PCDH10: variants seen among roughly 807,000 people sequenced by gnomAD.
PCDH10 encodes protocadherin 10, also known as protocadherin-10.
PCDH10 carries 15 observed loss-of-function variants against 74.4 expected under a neutral mutation model. The ratio of observed to expected loss-of-function variants is 0.20; its 90% CI spans 0.13 to 0.31. The LOEUF (loss-of-function observed/expected upper bound fraction) is 0.31. Among genes scored for constraint, PCDH10 ranks in the 10% least tolerant of loss-of-function variants. The probability of loss-of-function intolerance (pLI) is 1.00; values close to 1 mark genes in which losing one functional copy is unlikely to be tolerated. For synonymous variants in PCDH10, 619 were observed against 589.8 expected (o/e 1.05, Z -0.72); for missense variants, 1,260 against 1,390.2 (o/e 0.91, Z 1.49).
chr4:133,154,516 AC>A lies in PCDH10; in HGVS notation c.2690+152del, dbSNP rs1726820164. The A allele has an allele frequency of 1.2e-5, 7 of 563,412 alleles. No individual in the cohort carries two copies. In the Middle Eastern group the frequency reaches 1.2e-3, roughly 99 times the overall value. The allele number at this position is 563,412 out of a possible 1,614,324, so 34.9% of individuals were successfully genotyped here. On this transcript the variant is annotated intron_variant, in intron 2 of 4. Coordinates refer to ENST00000264360, the MANE Select transcript of PCDH10 (RefSeq NM_032961.3). ...ATATGAACTATATTGTGTTTCCTAGACAATACATTAAAAATTATACATTATA... is the reference window on the plus strand; with the variant it reads ...ATATGAACTATATTGTGTTTCCTAGAAATACATTAAAAATTATACATTATA...
intron 4 of PCDH10, among the ~76,000 whole-genome samples, chr4:133,188,822 C>T (rs908539764): frequency 5.9e-5 from 9 of 151,626 alleles, no homozygotes; most frequent in East Asian, 1.9e-4. Context: ...TATAGGCGCC[C>T]ACCACCATGC....
intron 4 of PCDH10, among the ~76,000 whole-genome samples, chr4:133,170,728 T>C (rs2125866352): frequency 7.3e-6 from 1 of 136,504 alleles, no homozygotes; most frequent in Admixed American, 6.9e-5. Flanking sequence ...TCTCTCTCTC[T>C]GTCACCCAGG....
chr4:133,156,467 A>G (rs1183438350), intron 3 of PCDH10, among the ~76,000 whole-genome samples: 1 of 152,244 alleles, frequency 6.6e-6, no homozygotes, highest in Non-Finnish European at 1.5e-5. Flanking sequence ...CCTGACAACA[A>G]ACCAGATCTT....
At position 133,152,190 on chromosome 4, in the gene PCDH10, G is replaced by C; in HGVS notation, c.2050G>C (p.Glu684Gln). Residue 684 changes from glutamate to glutamine, a missense_variant, in exon 1 of 5, where the codon GAG becomes CAG. Physicochemically the swap from Glu to Gln is conservative, Grantham distance 29. Coordinates refer to ENST00000264360, the MANE Select transcript of PCDH10 (RefSeq NM_032961.3). ...LVVQLVDGAV[E>Q]PQGGGGSGGG... ...GGTTCAGCTGGTGGATGGCGCCGTG[G>C]AGCCCCAGGGCGGGGGCGGGAGCGG... 2 of 1,574,964 alleles carry C rather than the reference G, an allele frequency of 1.3e-6. No homozygotes were observed. Among genetic ancestry groups the C allele is most frequent in the Non-Finnish European group, 1.7e-6 (2 of 1,161,182 alleles).
intron 4 of PCDH10, among the ~76,000 whole-genome samples, chr4:133,167,473 T>C (rs946853446): frequency 6.6e-6 from 1 of 151,504 alleles, no homozygotes; most frequent in Non-Finnish European, 1.5e-5. Context: ...TCTCTAGGAT[T>C]TGTGTTTTCC....
rs192334683 is a variant in PCDH10 at position 133,150,341 on chromosome 4, C to T, written c.201C>T (p.Asn67=). The change falls in exon 1 of 5, where the codon AAC becomes AAT. Residue 67 remains asparagine (N), a synonymous_variant. Transcript: ENST00000264360. ...PNSRTPYLDL[N]LETGVLYVNE... ...CAAGGACCCCTTACTTAGACCTCAA[C>T]CTGGAGACAGGGGTGCTGTACGTGA... 1 of 1,613,542 alleles carries T rather than the reference C, an allele frequency of 6.2e-7. No homozygotes were observed. Among genetic ancestry groups the T allele is most frequent in the African/African-American group, 1.3e-5 (1 of 74,846 alleles).
At chr4:133,201,770 C>T (rs772425840) in intron 2 of PCDH10, among the ~76,000 whole-genome samples, 18 of 147,782 alleles carry the variant, frequency 1.2e-4, no homozygotes, top group Admixed American at 9.7e-4. Flanking sequence ...GCAAGAGAAT[C>T]GCTTGAACCT....
intron 1 of PCDH10, chr4:133,153,616 G>C (rs1037613075): frequency 1.3e-5 from 2 of 151,866 alleles, no homozygotes; most frequent in African/African-American, 4.8e-5. Flanking sequence ...GGTGGGGGTT[G>C]GGGGGAGAAC....
chr4:133,168,150 A>T (rs1727124505), intron 4 of PCDH10, among the ~76,000 whole-genome samples: 1 of 151,464 alleles, frequency 6.6e-6, no homozygotes, highest in Non-Finnish European at 1.5e-5. Context: ...ATGAGATATT[A>T]TAATATTTTT....
chr4:133,172,407 G>A (rs1727220594), intron 4 of PCDH10, among the ~76,000 whole-genome samples: 1 of 151,788 alleles, frequency 6.6e-6, no homozygotes, highest in Non-Finnish European at 1.5e-5. Context: ...TTTACAGGTA[G>A]CAGTTTTTTT....
downstream of PCDH10, among the ~76,000 whole-genome samples, chr4:133,199,193 T>C (rs1727851781): frequency 6.6e-6 from 1 of 151,128 alleles, no homozygotes; most frequent in African/African-American, 2.4e-5. Flanking sequence ...AAGGCTGAAG[T>C]GGGAGGATCA....
intron 4 of PCDH10, among the ~76,000 whole-genome samples, chr4:133,187,459 A>G (rs1727567234): frequency 6.6e-6 from 1 of 152,078 alleles, no homozygotes; most frequent in Admixed American, 6.6e-5. Flanking sequence ...ATAACTCTTC[A>G]TAAATGTAAG....
intron 4 of PCDH10, among the ~76,000 whole-genome samples, chr4:133,170,105 CT>C (rs1727172563): frequency 6.6e-6 from 1 of 151,924 alleles, no homozygotes; most frequent in African/African-American, 2.4e-5. Flanking sequence ...ATTCAAAAAC[CT>C]TGTCTCCCAA....
At chr4:133,189,770 G>A (rs1186366889) in intron 4 of PCDH10, among the ~76,000 whole-genome samples, 1 of 151,868 alleles carries the variant, frequency 6.6e-6, no homozygotes, top group Non-Finnish European at 1.5e-5. Flanking sequence ...TATAGATTTT[G>A]CTAGAAACTT....
chr4:133,199,271 G>A (rs181972267), downstream of PCDH10, among the ~76,000 whole-genome samples: 3 of 145,712 alleles, frequency 2.1e-5, no homozygotes. Flanking sequence ...CTGGGTGACA[G>A]AGTGAAACCC....
Position 133,151,080 on chromosome 4 carries a change from G to A in PCDH10, c.940G>A (p.Gly314Ser). The change falls in exon 1 of 5, where the codon GGC becomes AGC. Residue 314 changes from glycine (G) to serine (S), a missense_variant. By Grantham distance (56) the Gly-to-Ser change is moderately conservative. This residue lies in a region of PCDH10 where 192 missense variants were observed against 161.2 expected (regional missense o/e 1.19). Coordinates refer to ENST00000264360, the MANE Select transcript of PCDH10 (RefSeq NM_032961.3). ...SPRTGRLEVS[G>S]ELDYEESPVY... ...GCGCACTGGCAGACTGGAGGTAAGC[G>A]GCGAGTTGGACTATGAAGAGAGCCC... 1.2e-6 allele frequency: 2 copies of A among 1,614,122 alleles called. No homozygotes were observed. Among genetic ancestry groups the A allele is most frequent in the Non-Finnish European group, 1.7e-6 (2 of 1,180,030 alleles).
At chr4:133,153,363 C>A in intron 1 of PCDH10, 4 of 601,858 alleles carry the variant, frequency 6.6e-6, no homozygotes, top group Non-Finnish European at 8.4e-6. Context: ...CATTTACAGA[C>A]GCTCTTGAAG....
intron 2 of PCDH10, among the ~76,000 whole-genome samples, chr4:133,203,447 C>T (rs1297245414): frequency 6.6e-6 from 1 of 151,994 alleles, no homozygotes. Context: ...TTTAAGAGCC[C>T]CAGACTTAAG....
At position 133,149,821 on chromosome 4, in the gene PCDH10, C is replaced by G. The variant is rs1009696116; in HGVS notation, c.-320C>G. The G allele has an allele frequency of 2.6e-4, 55 of 209,530 alleles. No individual in the cohort carries two copies. Among genetic ancestry groups the G allele is most frequent in the African/African-American group, 1.2e-3 (52 of 43,602 alleles). The allele number at this position is 209,530 out of a possible 1,614,324, so 13.0% of individuals were successfully genotyped here. A position where few individuals can be genotyped will look rare whatever the true frequency, so the allele number is the denominator to read the frequency against. ...AAATTTCCTCTTTGGGATTTGCCAG[C>G]GCCAAGACTGTCGGAATAAAGGACG... On this transcript the variant is annotated 5_prime_UTR_variant, in exon 1 of 5. Coordinates refer to ENST00000264360, the MANE Select transcript of PCDH10 (RefSeq NM_032961.3).
Sources: gnomAD v4.1 joint callset for allele counts (sites outside exome capture counted in the v4.1 genomes callset) on GRCh38, gnomAD v4.1.1 for gene constraint, gnomAD v4.1.1 regional missense constraint, MANE v1.5 for transcripts, NCBI Gene and HGNC (gene_info 2026-07-23, HGNC 2026-07-21) for gene names.